DDX60L: variants seen among roughly 807,000 people sequenced by gnomAD.
DDX60L encodes the protein probable ATP-dependent RNA helicase DDX60-like.
A neutral mutation model predicts 211.6 loss-of-function variants in DDX60L; 191 were observed. That is an observed-to-expected ratio of 0.90 (90% CI 0.80 to 1.02). The LOEUF (loss-of-function observed/expected upper bound fraction) is 1.02, where lower values mean the gene tolerates loss of function less well. Among genes scored for constraint, DDX60L ranks in the 50% least tolerant of loss-of-function variants. The pLI is 0.00. For missense variants in DDX60L, 2,007 were observed against 1,984.1 expected (o/e 1.01, Z -0.22); for synonymous variants, 706 against 694.1 (o/e 1.02, Z -0.27).
At chr4:168,401,037 C>G in intron 25 of DDX60L, 59 bp from the exon 26 acceptor site, 1 of 1,509,256 alleles carries the variant, frequency 6.6e-7, no homozygotes, top group Admixed American at 2.0e-5. Flanking sequence ...TATTGTAAAC[C>G]AAAAATAAAA....
rs906738093 is a variant in DDX60L, at chr4:168,472,751, A to T, written c.-52T>A. 2.6e-5 allele frequency: 42 copies of T among 1,598,236 alleles called. No homozygotes were observed. The highest frequency in any genetic ancestry group is 7.0e-5 in the Admixed American group (4 of 57,474). ...AGAAGAGTAGAGCTGGAATTTATTA[A>T]ATATGGCTGATTTATTTTGACACCT... is the stretch of plus-strand genomic sequence containing the variant. On this transcript the variant is annotated 5_prime_UTR_variant, in exon 2 of 38. Transcript: ENST00000682922.
At chr4:168,394,957 G>C (rs1380498577) in intron 27 of DDX60L, among the ~76,000 whole-genome samples, 1 of 152,154 alleles carries the variant, frequency 6.6e-6, no homozygotes, top group Non-Finnish European at 1.5e-5. Context: ...CAAGCAAAGA[G>C]AGAGAGACTT....
rs1750359482 is a variant in DDX60L, at chr4:168,420,504, A to T, written c.2395-124T>A. 3.8e-6 allele frequency: 3 copies of T among 783,944 alleles called. No homozygotes were observed. In the African/African-American group the frequency reaches 6.0e-5, roughly 16 times the overall value. The allele number at this position is 783,944 out of a possible 1,614,324, so 48.6% of individuals were successfully genotyped here. ...CACACACACACACACACACACACAC[A>T]CTTCAATGAAAATGAAATGAAGTAG... is the stretch of plus-strand genomic sequence containing the variant. On this transcript the variant is annotated intron_variant, in intron 17 of 37. Transcript: ENST00000682922.
chr4:168,472,527 A>G lies in DDX60L; in HGVS notation c.5-3T>C, dbSNP rs761618526. ...AAATACTGCATGATCCTTTGACCCTAAAAATAAGGAGATTTTTTGAGCCAT... is the reference window on the plus strand; with the variant it reads ...AAATACTGCATGATCCTTTGACCCTGAAAATAAGGAGATTTTTTGAGCCAT... On this transcript the variant is annotated splice_region_variant and splice_polypyrimidine_tract_variant and intron_variant, in intron 2 of 37. Transcript: ENST00000682922. 2 of 1,579,672 alleles carry G rather than the reference A, an allele frequency of 1.3e-6. No homozygotes were observed. Among genetic ancestry groups the G allele is most frequent in the South Asian group, 2.3e-5 (2 of 87,000 alleles).
At chr4:168,375,125 C>A (rs1741714434) in intron 34 of DDX60L, among the ~76,000 whole-genome samples, 1 of 152,032 alleles carries the variant, frequency 6.6e-6, no homozygotes, top group African/African-American at 2.4e-5. Flanking sequence ...TCATGAATGA[C>A]TTTTATTTTT....
chr4:168,430,996 T>C (rs1235082623), intron 12 of DDX60L, among the ~76,000 whole-genome samples: 2 of 152,212 alleles, frequency 1.3e-5, no homozygotes, highest in Non-Finnish European at 2.9e-5. Flanking sequence ...ACACTCTAAA[T>C]GATTATATGA....
chr4:168,422,844 T>C (rs950821002), intron 15 of DDX60L, among the ~76,000 whole-genome samples, 174 bp from the exon 16 acceptor site: 1 of 152,090 alleles, frequency 6.6e-6, no homozygotes, highest in Non-Finnish European at 1.5e-5. Flanking sequence ...GACGCCATCA[T>C]AGCTCACTGC....
chr4:168,359,124 G>A (rs2149581246), intron 37 of DDX60L, among the ~76,000 whole-genome samples: 1 of 152,182 alleles, frequency 6.6e-6, no homozygotes, highest in Admixed American at 6.5e-5. Flanking sequence ...CAATCAATTG[G>A]GATTTGACAT....
chr4:168,448,802 T>C (rs1374090680), intron 8 of DDX60L, 23 bp from the exon 9 acceptor site: 1 of 1,591,864 alleles, frequency 6.3e-7, no homozygotes, highest in Non-Finnish European at 8.6e-7. Flanking sequence ...AATAAAACAT[T>C]ATTAGCAGGG....
At chr4:168,419,875 T>C (rs1186501562) in intron 18 of DDX60L, among the ~76,000 whole-genome samples, 2 of 152,198 alleles carry the variant, frequency 1.3e-5, no homozygotes, top group African/African-American at 2.4e-5. Context: ...CATAATCTTC[T>C]ATTTGAAATT....
At chr4:168,455,812 G>A (rs538674089) in intron 7 of DDX60L, among the ~76,000 whole-genome samples, 47 of 152,216 alleles carry the variant, frequency 3.1e-4, no homozygotes, top group African/African-American at 1.0e-3. Flanking sequence ...ACTAAATTAC[G>A]TAACATAATA....
chr4:168,415,922 A>G, intron 20 of DDX60L, 123 bp from the exon 21 acceptor site: 1 of 883,834 alleles, frequency 1.1e-6, no homozygotes, highest in Non-Finnish European at 1.6e-6. Context: ...CTCAATTTAA[A>G]CCACCTGAGT....
intron 11 of DDX60L, 37 bp from the exon 12 acceptor site, chr4:168,432,607 G>A (rs764717725): frequency 3.1e-6 from 4 of 1,302,686 alleles, no homozygotes; most frequent in Admixed American, 5.2e-5. Flanking sequence ...TAAATTTTAA[G>A]CTTTTCAAAT....
rs767668174 is a variant in DDX60L, at chr4:168,394,598, G to A, written c.3677C>T (p.Pro1226Leu). The change falls in exon 28 of 38, where the codon CCG becomes CTG. Residue 1226 changes from proline to leucine, a missense_variant. Physicochemically the swap from Pro to Leu is moderately conservative, Grantham distance 98 (BLOSUM62 -3). Coordinates refer to ENST00000682922, the MANE Select transcript of DDX60L (RefSeq NM_001012967.3). Reference protein sequence around the residue: ...NKDSTLERVLPRVRFTRHGKE... With the variant: ...NKDSTLERVLLRVRFTRHGKE... The stretch of plus-strand genomic sequence containing the variant: ...GCCGTGTCTTGTAAATCGCACTCGC[G>A]GTAATACCCTCTCCAAAGTCTAAAA... 1.6e-5 allele frequency: 25 copies of A among 1,605,292 alleles called. 1 individual carries two copies. The highest frequency in any genetic ancestry group is 6.9e-5 in the Admixed American group (4 of 57,560).
At chr4:168,427,994 A>G (rs1256584599) in intron 13 of DDX60L, among the ~76,000 whole-genome samples, 2 of 152,236 alleles carry the variant, frequency 1.3e-5, no homozygotes, top group Non-Finnish European at 2.9e-5. Context: ...TAGGGCTGCC[A>G]AAGGAGCAGA....
chr4:168,375,636 C>A, intron 33 of DDX60L, 112 bp from the exon 34 acceptor site: 1 of 1,010,530 alleles, frequency 9.9e-7, no homozygotes, highest in Non-Finnish European at 1.4e-6. Context: ...TTCATCAAAA[C>A]CCTTGATTAC....
chr4:168,369,487 A>AC (rs1553987244), intron 36 of DDX60L, among the ~76,000 whole-genome samples: 6 of 63,338 alleles, frequency 9.5e-5, no homozygotes, highest in Non-Finnish European at 1.2e-4. Context: ...AAAAAACAAA[A>AC]AAAAAAAAAC....
chr4:168,448,444 T>C (rs1280303909), intron 9 of DDX60L, among the ~76,000 whole-genome samples, 194 bp downstream of exon 9: 2 of 152,166 alleles, frequency 1.3e-5, no homozygotes, highest in African/African-American at 2.4e-5. Context: ...TATCATATCA[T>C]AGCATATCAT....
At chr4:168,463,219 C>T (rs1757552090) in intron 4 of DDX60L, among the ~76,000 whole-genome samples, 1 of 152,154 alleles carries the variant, frequency 6.6e-6, no homozygotes, top group African/African-American at 2.4e-5. Flanking sequence ...ATAGCAAAGA[C>T]ATGAAATCAA....
Sources: gnomAD v4.1 joint callset for allele counts (sites outside exome capture counted in the v4.1 genomes callset) on GRCh38, gnomAD v4.1.1 for gene constraint, MANE v1.5 for transcripts, NCBI Gene and HGNC (gene_info 2026-07-23, HGNC 2026-07-21) for gene names.